Variants in LYN observed in about 807,000 individuals in gnomAD.
The protein encoded by LYN is LYN proto-oncogene, Src family tyrosine kinase.
A neutral mutation model predicts 65.0 loss-of-function variants in LYN; 12 were observed. The ratio of observed to expected loss-of-function variants is 0.18; its 90% CI spans 0.12 to 0.30. LYN has a LOEUF of 0.30. Among genes scored for constraint, LYN ranks in the 10% least tolerant of loss-of-function variants. The pLI is 1.00. For synonymous variants in LYN, 222 were observed against 221.2 expected (o/e 1.00, Z -0.03); for missense variants, 380 against 623.2 (o/e 0.61, Z 4.16).
chr8:55,902,331 C>CTTTTT (rs11424283), intron 1 of LYN, among the ~76,000 whole-genome samples: 2 of 134,140 alleles, frequency 1.5e-5, no homozygotes, highest in East Asian at 2.1e-4. Flanking sequence ...TTCTTTCTTT[C>CTTTTT]TTTTTTTTTT....
intron 12 of LYN, among the ~76,000 whole-genome samples, chr8:56,000,668 C>T (rs1808486719): frequency 7.5e-6 from 1 of 132,750 alleles, no homozygotes; most frequent in African/African-American, 3.0e-5. Flanking sequence ...GCACAGGTTG[C>T]AGTGAGCCGA....
At chr8:55,918,287 C>T (rs1249790660) in intron 1 of LYN, among the ~76,000 whole-genome samples, 1 of 152,230 alleles carries the variant, frequency 6.6e-6, no homozygotes, top group Non-Finnish European at 1.5e-5. Context: ...TCCTGTTAAC[C>T]TGCCTTTATT....
At chr8:55,997,945 A>G (rs565149386) in intron 10 of LYN, among the ~76,000 whole-genome samples, 150 of 152,198 alleles carry the variant, frequency 9.9e-4, no homozygotes, top group African/African-American at 2.4e-3. Flanking sequence ...TTAGCCGGGC[A>G]TGGTGGTGGG....
intron 2 of LYN, 36 bp downstream of exon 2, chr8:55,942,027 A>G (rs1181877056): frequency 3.1e-6 from 5 of 1,609,310 alleles, no homozygotes; most frequent in Non-Finnish European, 4.2e-6. Flanking sequence ...TTCCCACAGC[A>G]AGATCAAAGC....
intron 12 of LYN, among the ~76,000 whole-genome samples, chr8:56,002,071 A>G (rs1414747002): frequency 6.6e-6 from 1 of 152,192 alleles, no homozygotes; most frequent in African/African-American, 2.4e-5. Context: ...ACCTGAGGTC[A>G]GGAGTTCGAG....
intron 1 of LYN, among the ~76,000 whole-genome samples, chr8:55,884,703 C>T (rs1318533872): frequency 1.3e-5 from 2 of 152,124 alleles, no homozygotes; most frequent in Admixed American, 6.5e-5. Flanking sequence ...GAGCCCGCCT[C>T]GGCCTCCCAA....
At chr8:55,887,603 C>CACAT (rs775901867) in intron 1 of LYN, among the ~76,000 whole-genome samples, 2,215 of 111,932 alleles carry the variant, frequency 0.02, 83 homozygotes, top group African/African-American at 0.066. Context: ...CACACACACA[C>CACAT]ATATATATAT....
intron 2 of LYN, among the ~76,000 whole-genome samples, chr8:55,946,065 C>T (rs1198436257): frequency 6.6e-6 from 1 of 152,206 alleles, no homozygotes; most frequent in Non-Finnish European, 1.5e-5. Flanking sequence ...AACCGATCTG[C>T]GGACCAAAAC....
At chr8:55,894,907 G>T (rs1255073943) in intron 1 of LYN, among the ~76,000 whole-genome samples, 1 of 152,122 alleles carries the variant, frequency 6.6e-6, no homozygotes. Context: ...TCAATCTCCT[G>T]TGCTCAAGTG....
intron 1 of LYN, among the ~76,000 whole-genome samples, chr8:55,897,452 A>G (rs1805149205): frequency 6.6e-6 from 1 of 152,194 alleles, no homozygotes. Flanking sequence ...GGTTGACAGC[A>G]GAAGATCTCC....
chr8:55,893,136 A>G (rs924547122), intron 1 of LYN, among the ~76,000 whole-genome samples: 19 of 152,228 alleles, frequency 1.2e-4, no homozygotes, highest in African/African-American at 3.4e-4. Context: ...ATTCAACTGG[A>G]GAGCAAGACC....
At chr8:55,909,976 TGTG>T (rs1220616385) in intron 1 of LYN, among the ~76,000 whole-genome samples, 1 of 15,448 alleles carries the variant, frequency 6.5e-5, no homozygotes, top group African/African-American at 2.2e-4. Flanking sequence ...GGGTTGTTTG[TGTG>T]TGTGTGTGTG....
intron 7 of LYN, 125 bp downstream of exon 7, chr8:55,952,240 C>T: frequency 1.3e-6 from 1 of 741,168 alleles, no homozygotes; most frequent in Non-Finnish European, 2.1e-6. Context: ...AGTTGCAGGT[C>T]ATATTCTATA....
intron 1 of LYN, among the ~76,000 whole-genome samples, chr8:55,914,809 C>A (rs1805739086): frequency 6.6e-6 from 1 of 152,200 alleles, no homozygotes; most frequent in Non-Finnish European, 1.5e-5. Flanking sequence ...ACTCCCACCC[C>A]TCCTGTTCAT....
chr8:55,935,897 C>T (rs950605843), intron 1 of LYN, among the ~76,000 whole-genome samples: 2 of 152,086 alleles, frequency 1.3e-5, no homozygotes, highest in Non-Finnish European at 2.9e-5. Context: ...CCAAGTCTCT[C>T]CAGCACTGTT....
At chr8:55,952,594 A>G (rs765838339) in intron 7 of LYN, among the ~76,000 whole-genome samples, 5 of 152,206 alleles carry the variant, frequency 3.3e-5, no homozygotes, top group Non-Finnish European at 7.3e-5. Context: ...CAATTAATTA[A>G]TCTACAGTTA....
Position 55,950,713 on chromosome 8 carries a change from C to G in LYN, c.416C>G (p.Ala139Gly). 6.2e-7 allele frequency: 1 copy of G among 1,613,980 alleles called. No individual in the cohort carries two copies. Among genetic ancestry groups the G allele is most frequent in the South Asian group, 1.1e-5 (1 of 91,080 alleles). ...TTCAAGGATATAACCAGGAAGGACGCAGAAAGGCAGCTTTTGGCACCAGGA... is the reference window on the plus strand; with the variant it reads ...TTCAAGGATATAACCAGGAAGGACGGAGAAAGGCAGCTTTTGGCACCAGGA... Reference protein sequence around the residue: ...WFFKDITRKDAERQLLAPGNS... With the variant: ...WFFKDITRKDGERQLLAPGNS... The change falls in exon 6 of 13, where the codon GCA becomes GGA. Residue 139 changes from alanine (A) to glycine (G), a missense_variant. Ala to Gly is a moderately conservative substitution (Grantham distance 60, BLOSUM62 0). Around this residue, in one of 2 missense-constraint regions of LYN, gnomAD observed 157 missense variants for 193.2 expected, o/e 0.81. Transcript: ENST00000519728.
At chr8:55,915,525 T>C (rs1250182903) in intron 1 of LYN, among the ~76,000 whole-genome samples, 1 of 152,002 alleles carries the variant, frequency 6.6e-6, no homozygotes, top group Non-Finnish European at 1.5e-5. Flanking sequence ...GTCAACATGG[T>C]GAAACCCCGT....
At chr8:55,969,122 A>C (rs554624467) in intron 9 of LYN, among the ~76,000 whole-genome samples, 6 of 152,308 alleles carry the variant, frequency 3.9e-5, no homozygotes, top group African/African-American at 1.4e-4. Context: ...CTCTACAAAA[A>C]AAAGAATTAG....
Sources: gnomAD v4.1 joint callset for allele counts (sites outside exome capture counted in the v4.1 genomes callset) on GRCh38, gnomAD v4.1.1 for gene constraint, gnomAD v4.1.1 regional missense constraint, MANE v1.5 for transcripts, NCBI Gene and HGNC (gene_info 2026-07-23, HGNC 2026-07-21) for gene names.